The following RNF220 variants were observed in gnomAD, a reference collection of about 807,000 sequenced individuals.
RNF220 encodes E3 ubiquitin-protein ligase RNF220.
A neutral mutation model predicts 67.1 loss-of-function variants in RNF220; 7 were observed. The ratio of observed to expected loss-of-function variants is 0.10; its 90% CI spans 0.06 to 0.20. RNF220 has a LOEUF of 0.20. Among genes scored for constraint, RNF220 ranks in the 10% least tolerant of loss-of-function variants. The pLI is 1.00. For synonymous variants in RNF220, 270 were observed against 283.2 expected (o/e 0.95, Z 0.47); for missense variants, 565 against 740.3 (o/e 0.76, Z 2.75).
chr1:44,530,865 AG>A (rs1660785173), intron 2 of RNF220, among the ~76,000 whole-genome samples: 2 of 152,186 alleles, frequency 1.3e-5, no homozygotes, highest in Admixed American at 1.3e-4. Flanking sequence ...TGGGAAGCTG[AG>A]GCAGGAGAAT....
intron 2 of RNF220, among the ~76,000 whole-genome samples, chr1:44,430,796 T>C (rs969673618): frequency 1.3e-5 from 2 of 152,202 alleles, no homozygotes; most frequent in African/African-American, 4.8e-5. Flanking sequence ...CCGCCCACCT[T>C]GGCCTCCCAA....
At chr1:44,491,662 CTT>C (rs559101799) in intron 2 of RNF220, among the ~76,000 whole-genome samples, 10 of 144,938 alleles carry the variant, frequency 6.9e-5, no homozygotes, top group Admixed American at 6.9e-5. Context: ...GATGTCCACT[CTT>C]TTTTTTTTTT....
intron 2 of RNF220, among the ~76,000 whole-genome samples, chr1:44,554,089 A>G (rs1662882517): frequency 1.3e-5 from 2 of 152,208 alleles, no homozygotes; most frequent in Admixed American, 1.3e-4. Flanking sequence ...GTTGGGGCAG[A>G]AGACAGAAAT....
chr1:44,473,325 T>C (rs1407099709), intron 2 of RNF220, among the ~76,000 whole-genome samples: 1 of 152,114 alleles, frequency 6.6e-6, no homozygotes, highest in Non-Finnish European at 1.5e-5. Context: ...TTAATTCTTA[T>C]GACATATGGG....
At chr1:44,512,558 T>C (rs1046458649) in intron 2 of RNF220, among the ~76,000 whole-genome samples, 1 of 151,806 alleles carries the variant, frequency 6.6e-6, no homozygotes, top group African/African-American at 2.4e-5. Context: ...CCTAACTGAC[T>C]CCACAGCCCC....
chr1:44,448,744 G>A (rs1474784313), intron 2 of RNF220, among the ~76,000 whole-genome samples: 2 of 152,298 alleles, frequency 1.3e-5, no homozygotes, highest in Middle Eastern at 3.4e-3. Context: ...TGCTTCCAAC[G>A]TAATTGAGAA....
rs1375360066 is a variant in RNF220, at chr1:44,622,703, C to G, written c.759-39C>G. 2 of 1,589,666 alleles carry G rather than the reference C, an allele frequency of 1.3e-6. No homozygotes were observed. The highest frequency in any genetic ancestry group is 2.7e-5 in the African/African-American group (2 of 74,494). On this transcript the variant is annotated intron_variant, in intron 3 of 14. Coordinates refer to ENST00000361799, the MANE Select transcript of RNF220 (RefSeq NM_018150.4). The surrounding 1 kb of genome is among the most constrained non-coding windows in gnomAD (Gnocchi z 4.3). ...CTCTACCGTTGCATGCCCTGGGCAG[C>G]AGGTAGAATGGTTACCCTGTTCTCT...
chr1:44,626,324 A>G lies in RNF220; in HGVS notation c.832A>G (p.Arg278Gly), dbSNP rs1294894923. ...CCTCCTGTTGTCTGCTTCCATCAAG[A>G]GGGAAGGAGAGTCTCCAACGGCATC... is the stretch of plus-strand genomic sequence containing the variant. Reference protein sequence around the residue: ...KSLLLSASIKREGESPTASPH... With the variant: ...KSLLLSASIKGEGESPTASPH... The change falls in exon 5 of 15, where the codon AGG becomes GGG. Residue 278 changes from arginine to glycine, a missense_variant. Arg to Gly is a moderately radical substitution (Grantham distance 125, BLOSUM62 -2). Coordinates refer to ENST00000361799, the MANE Select transcript of RNF220 (RefSeq NM_018150.4). 1 of 1,613,860 alleles carries G rather than the reference A, an allele frequency of 6.2e-7. No individual in the cohort carries two copies. Among genetic ancestry groups the G allele is most frequent in the Non-Finnish European group, 8.5e-7 (1 of 1,179,966 alleles).
At chr1:44,427,626 G>A (rs573197394) in intron 2 of RNF220, among the ~76,000 whole-genome samples, 3 of 152,276 alleles carry the variant, frequency 2.0e-5, no homozygotes, top group South Asian at 2.1e-4. Flanking sequence ...ATCTGCTAAC[G>A]CCCAATGTGC....
At chr1:44,607,347 T>C (rs1407078670) in intron 2 of RNF220, among the ~76,000 whole-genome samples, 1 of 152,192 alleles carries the variant, frequency 6.6e-6, no homozygotes, top group African/African-American at 2.4e-5. Flanking sequence ...TAATGTAGTT[T>C]AAAAGTCCTC....
rs772519504 is a variant in RNF220, at chr1:44,649,659, A to G, written c.1446-2A>G. On this transcript the variant is annotated splice_acceptor_variant, in intron 12 of 14. Coordinates refer to ENST00000361799, the MANE Select transcript of RNF220 (RefSeq NM_018150.4). LOFTEE classifies it high-confidence loss of function. This position sits in a 1 kb window ranked among gnomAD's most constrained non-coding sequence, Gnocchi z 5.9. ...TACCCAACCATGCCTTCCTTTTTAC[A>G]GAATCACCGAAGATTCAGCTGTGAC... 26 of 1,613,814 alleles carry G rather than the reference A, an allele frequency of 1.6e-5. No individual in the cohort carries two copies. The highest frequency in any genetic ancestry group is 3.4e-6 in the Non-Finnish European group (4 of 1,179,864).
At chr1:44,494,012 G>A (rs1213019472) in intron 2 of RNF220, among the ~76,000 whole-genome samples, 2 of 152,080 alleles carry the variant, frequency 1.3e-5, no homozygotes, top group Non-Finnish European at 2.9e-5. Flanking sequence ...TTCGAGACCA[G>A]CCTGACCAAT....
intron 2 of RNF220, among the ~76,000 whole-genome samples, chr1:44,440,949 G>A (rs1231240280): frequency 1.3e-5 from 2 of 152,188 alleles, no homozygotes; most frequent in East Asian, 1.9e-4. Flanking sequence ...CTTCCCAGGT[G>A]CTAACCCTCA....
At chr1:44,495,090 G>A (rs1657212059) in intron 2 of RNF220, among the ~76,000 whole-genome samples, 1 of 152,098 alleles carries the variant, frequency 6.6e-6, no homozygotes, top group Non-Finnish European at 1.5e-5. Context: ...GCACACACCT[G>A]TAGTCCCAGC....
At chr1:44,550,292 C>T (rs912968502) in intron 2 of RNF220, among the ~76,000 whole-genome samples, 2 of 152,202 alleles carry the variant, frequency 1.3e-5, no homozygotes, top group Admixed American at 1.3e-4. Flanking sequence ...CTCTCTACTG[C>T]AACCAAGAGA....
Position 44,441,250 on chromosome 1 carries a change from A to G in RNF220, c.625+28528A>G, listed in dbSNP as rs150046037. Among the ~76,000 whole-genome samples the G allele has an allele frequency of 3.9e-5, 6 of 152,244 alleles. No homozygotes were observed. In the East Asian group the frequency reaches 1.2e-3, roughly 29 times the overall value. ...GCAGCCATAGGGACTGAGGCTTTTA[A>G]TTTGCTGTCACAGCTCCAGGCATTT... On this transcript the variant is annotated intron_variant, in intron 2 of 14. Transcript: ENST00000361799.
At chr1:44,538,238 T>A (rs1661388297) in intron 2 of RNF220, among the ~76,000 whole-genome samples, 1 of 152,228 alleles carries the variant, frequency 6.6e-6, no homozygotes, top group Non-Finnish European at 1.5e-5. Flanking sequence ...GGTGTGGTTA[T>A]TCAGCCAGCT....
At position 44,651,008 on chromosome 1, in the gene RNF220, A is replaced by C; in HGVS notation, c.*233A>C. 4 of 519,558 alleles carry C rather than the reference A, an allele frequency of 7.7e-6. No individual in the cohort carries two copies. Among genetic ancestry groups the C allele is most frequent in the South Asian group, 1.9e-5 (1 of 53,070 alleles). 32.2% of individuals were successfully genotyped at this position (519,558 alleles called of 1,614,324 possible). ...CTCCCACCTATGGTTTGGGGGCCATACCTGTTCCAGCTCTGTTCCCAGGGT... is the reference window on the plus strand; with the variant it reads ...CTCCCACCTATGGTTTGGGGGCCATCCCTGTTCCAGCTCTGTTCCCAGGGT... On this transcript the variant is annotated 3_prime_UTR_variant, in exon 15 of 15. Coordinates refer to ENST00000361799, the MANE Select transcript of RNF220 (RefSeq NM_018150.4).
intron 2 of RNF220, among the ~76,000 whole-genome samples, chr1:44,612,190 C>T (rs1643339712): frequency 6.6e-6 from 1 of 152,254 alleles, no homozygotes. Context: ...TGTCCCAGCC[C>T]TCCAAAGGTT....
Sources: gnomAD v4.1 joint callset for allele counts (sites outside exome capture counted in the v4.1 genomes callset) on GRCh38, gnomAD v4.1.1 for gene constraint, Gnocchi (gnomAD v3.1) non-coding constraint, MANE v1.5 for transcripts, NCBI Gene and HGNC (gene_info 2026-07-23, HGNC 2026-07-21) for gene names.